The following LRRK1 variants were observed in gnomAD, a reference collection of about 807,000 sequenced individuals.
LRRK1 encodes leucine-rich repeat serine/threonine-protein kinase 1.
In LRRK1, 113 loss-of-function variants were observed where a neutral mutation model predicts 209.1. The observed-to-expected ratio is 0.54, with a 90% confidence interval of 0.46 to 0.63. The LOEUF is 0.63. LRRK1 is among the 30% of genes least tolerant of loss of function. The pLI, the probability that LRRK1 is intolerant of heterozygous loss-of-function variation, is 0.00. For missense variants in LRRK1, 2,284 were observed against 2,632.2 expected (o/e 0.87, Z 2.89); for synonymous variants, 1,144 against 1,099.7 (o/e 1.04, Z -0.80).
chr15:100,967,691 A>G (rs1391301683), intron 2 of LRRK1, among the ~76,000 whole-genome samples: 1 of 152,228 alleles, frequency 6.6e-6, no homozygotes, highest in Non-Finnish European at 1.5e-5. Flanking sequence ...ACACTAAAGT[A>G]GAAAGAATTG....
Position 101,027,565 on chromosome 15 carries a change from G to T in LRRK1, c.2527-73G>T. 6.4e-7 allele frequency: 1 copy of T among 1,568,546 alleles called. No individual in the cohort carries two copies. The highest frequency in any genetic ancestry group is 2.3e-5 in the East Asian group (1 of 42,990). ...CCCACCCCCTCAGGCCACAGGGGCC[G>T]GGCAGGATCTGCCCAAGCTGGCAGG... On this transcript the variant is annotated intron_variant, in intron 18 of 33. Transcript: ENST00000388948. This position sits in a 1 kb window ranked among gnomAD's most constrained non-coding sequence, Gnocchi z 5.1.
intron 6 of LRRK1, among the ~76,000 whole-genome samples, chr15:101,003,504 G>C (rs2141684877): frequency 6.6e-6 from 1 of 152,332 alleles, no homozygotes; most frequent in Middle Eastern, 3.4e-3. Context: ...TGGACTCACA[G>C]TTCCACATGG....
At position 100,951,963 on chromosome 15, in the gene LRRK1, A is replaced by AT. The variant is rs1480525802; in HGVS notation, c.98-21841_98-21840insT. On this transcript the variant is annotated intron_variant, in intron 2 of 33. Transcript: ENST00000388948. ...AGCGAAACTCCATCTCAGAAAAAAA[A>AT]AAATAATAATAATAATAATAATAAA... Among the ~76,000 whole-genome samples, 389 of 140,890 alleles carry AT rather than the reference A, an allele frequency of 2.8e-3. 1 individual carries two copies. The highest frequency in any genetic ancestry group is 4.6e-3 in the Admixed American group (63 of 13,658). The allele number at this position is 140,890 out of a possible 152,430, so 92.4% of individuals were successfully genotyped here.
intron 6 of LRRK1, among the ~76,000 whole-genome samples, chr15:100,999,331 G>T (rs1284534155): frequency 6.6e-6 from 1 of 152,190 alleles, no homozygotes; most frequent in African/African-American, 2.4e-5. Flanking sequence ...AAAAAGTGAT[G>T]AATTTTACTA....
chr15:100,926,680 C>CTTTTTTTTTTTTTTT (rs71151990), intron 2 of LRRK1, among the ~76,000 whole-genome samples: 5 of 81,846 alleles, frequency 6.1e-5, no homozygotes, highest in Admixed American at 1.6e-4. Flanking sequence ...TTCTTTTTTT[C>CTTTTTTTTTTTTTTT]TTTTTTTTTT....
intron 2 of LRRK1, among the ~76,000 whole-genome samples, chr15:100,953,377 G>A (rs2042692931): frequency 6.6e-6 from 1 of 152,102 alleles, no homozygotes; most frequent in Admixed American, 6.5e-5. Flanking sequence ...AGATCATAGA[G>A]TATTTGTCTT....
At chr15:100,971,394 G>C (rs1043890311) in intron 2 of LRRK1, among the ~76,000 whole-genome samples, 3 of 151,676 alleles carry the variant, frequency 2.0e-5, no homozygotes, top group African/African-American at 7.3e-5. Context: ...TCAATCCAAA[G>C]CCTGTCTTAT....
Position 101,041,712 on chromosome 15 carries a change from C to T in LRRK1, c.2964-4269C>T, listed in dbSNP as rs73488883. Among the ~76,000 whole-genome samples the T allele has an allele frequency of 6.7e-3, 1,018 of 152,302 alleles. 16 individuals carry two copies. Among genetic ancestry groups the T allele is most frequent in the African/African-American group, 0.024 (985 of 41,546 alleles). On this transcript the variant is annotated intron_variant, in intron 20 of 33. Transcript: ENST00000388948. ...ACGTTTCTTCTATACAGTAGTCCCCCTTATCCACAGCTGGTGGATTTCCAG... is the reference window on the plus strand; with the variant it reads ...ACGTTTCTTCTATACAGTAGTCCCCTTTATCCACAGCTGGTGGATTTCCAG...
chr15:100,937,997 C>T (rs2042333860), intron 2 of LRRK1, among the ~76,000 whole-genome samples: 1 of 151,374 alleles, frequency 6.6e-6, no homozygotes, highest in Non-Finnish European at 1.5e-5. Context: ...ACTACAGGCG[C>T]ACACCACCAT....
At chr15:100,959,059 G>A (rs1432660624) in intron 2 of LRRK1, among the ~76,000 whole-genome samples, 1 of 152,192 alleles carries the variant, frequency 6.6e-6, no homozygotes, top group Non-Finnish European at 1.5e-5. Context: ...CTTAGGGAAG[G>A]GTTGGAGGGG....
intron 6 of LRRK1, among the ~76,000 whole-genome samples, chr15:101,007,224 G>A (rs1478989160): frequency 1.3e-5 from 2 of 152,190 alleles, no homozygotes; most frequent in Non-Finnish European, 2.9e-5. Flanking sequence ...GACCTTTCTC[G>A]TAGCCTCTGC....
At chr15:100,992,313 A>G (rs553773548) in intron 6 of LRRK1, among the ~76,000 whole-genome samples, 2 of 152,160 alleles carry the variant, frequency 1.3e-5, no homozygotes, top group Non-Finnish European at 2.9e-5. Context: ...GTCAATTCAC[A>G]TTGTCTGCTT....
rs923282528 is a variant in LRRK1 at position 101,076,876 on chromosome 15, A to G, written c.*8028A>G. 1.1e-3 allele frequency: 175 copies of G among 152,218 alleles called. 1 individual carries two copies. The highest frequency in any genetic ancestry group is 3.9e-3 in the African/African-American group (163 of 41,542). 9.4% of individuals were successfully genotyped at this position (152,218 alleles called of 1,614,324 possible). On this transcript the variant is annotated 3_prime_UTR_variant, in exon 34 of 34. Coordinates refer to ENST00000388948, the MANE Select transcript of LRRK1 (RefSeq NM_024652.6). ...TCCTACAGGGTCTGAGAAGGCCACC[A>G]TGGTCATTTCTTCCCTTCTGTCAAA...
chr15:101,048,857 C>T (rs1482537211), intron 22 of LRRK1, among the ~76,000 whole-genome samples, 200 bp downstream of exon 22: 1 of 152,238 alleles, frequency 6.6e-6, no homozygotes, highest in East Asian at 1.9e-4. Flanking sequence ...TGCTGAGCCC[C>T]CCTTGCAGGA....
chr15:100,927,462 A>G (rs2042135791), intron 2 of LRRK1, among the ~76,000 whole-genome samples: 2 of 152,164 alleles, frequency 1.3e-5, no homozygotes, highest in Admixed American at 1.3e-4. Flanking sequence ...CCTGTTCTGT[A>G]TAACCCAAGG....
chr15:101,008,704 G>C (rs1364364659), intron 6 of LRRK1, 133 bp from the exon 7 acceptor site: 4 of 699,972 alleles, frequency 5.7e-6, no homozygotes, highest in Non-Finnish European at 9.9e-6. Flanking sequence ...AGAAGGACAT[G>C]TGCAGGCCTC....
chr15:101,056,009 A>G (rs2035773611), intron 27 of LRRK1, among the ~76,000 whole-genome samples: 1 of 152,236 alleles, frequency 6.6e-6, no homozygotes, highest in African/African-American at 2.4e-5. Flanking sequence ...AGAAAAGGCA[A>G]ATCAGAGCAA....
chr15:101,003,574 AAG>A (rs2032803496), intron 6 of LRRK1, among the ~76,000 whole-genome samples: 1 of 152,220 alleles, frequency 6.6e-6, no homozygotes, highest in African/African-American at 2.4e-5. Context: ...GGCAGCAGGC[AAG>A]AGAGAGAATG....
At chr15:101,068,347 T>C (rs1384667961) in intron 33 of LRRK1, among the ~76,000 whole-genome samples, 3 of 152,046 alleles carry the variant, frequency 2.0e-5, no homozygotes, top group African/African-American at 7.2e-5. Context: ...TCAGTGGTGT[T>C]TTCTGGACGC....
Sources: allele counts gnomAD v4.1 joint callset (sites outside exome capture counted in the v4.1 genomes callset), GRCh38; gene constraint gnomAD v4.1.1; non-coding constraint Gnocchi (gnomAD v3.1); transcripts MANE v1.5; gene names NCBI Gene and HGNC (gene_info 2026-07-23, HGNC 2026-07-21).